The following TPP2 variants were observed in gnomAD, a reference collection of about 807,000 sequenced individuals.
TPP2 encodes tripeptidyl peptidase 2.
A neutral mutation model predicts 155.9 loss-of-function variants in TPP2; 34 were observed. That is an observed-to-expected ratio of 0.22 (90% CI 0.17 to 0.29). The LOEUF (loss-of-function observed/expected upper bound fraction) is 0.29. Ranked by LOEUF, TPP2 falls within the 10% of genes least tolerant of loss-of-function variation. The pLI is 1.00. For synonymous variants in TPP2, 510 were observed against 529.4 expected, an observed-to-expected ratio of 0.96 and a Z score of 0.50; for missense variants, 1,028 against 1,522.3, an observed-to-expected ratio of 0.68 and a Z score of 5.40.
intron 2 of TPP2, among the ~76,000 whole-genome samples, chr13:102,608,750 T>G (rs1338358917): frequency 1.3e-5 from 2 of 152,158 alleles, no homozygotes; most frequent in African/African-American, 4.8e-5. Flanking sequence ...TCTCCTATTC[T>G]GCTTCCTCCT....
intron 2 of TPP2, among the ~76,000 whole-genome samples, chr13:102,609,326 A>G (rs971686531): frequency 1.3e-5 from 2 of 151,760 alleles, no homozygotes; most frequent in African/African-American, 4.8e-5. Flanking sequence ...GGTGAAGGGG[A>G]AACAAGACAT....
rs765009298 is a variant in TPP2, at chr13:102,627,181, G to A, written c.939+15G>A. 4.5e-6 allele frequency: 7 copies of A among 1,550,762 alleles called. No individual in the cohort carries two copies. In the East Asian group the frequency reaches 9.3e-5, roughly 21 times the overall value. On this transcript the variant is annotated intron_variant, in intron 7 of 29. Coordinates refer to ENST00000376052, the MANE Select transcript of TPP2 (RefSeq NM_001330588.2). ...TCATAAGAGCTGTGAGTGTTTGTGA[G>A]TTGTTGATTCAGAAGATTAATGATT...
chr13:102,649,929 A>G (rs998157249), intron 23 of TPP2, among the ~76,000 whole-genome samples: 1 of 152,172 alleles, frequency 6.6e-6, no homozygotes, highest in African/African-American at 2.4e-5. Flanking sequence ...AAAAGTAGTC[A>G]GAACAATTAC....
At chr13:102,606,987 A>G (rs1044323515) in intron 2 of TPP2, among the ~76,000 whole-genome samples, 1 of 152,106 alleles carries the variant, frequency 6.6e-6, no homozygotes, top group Non-Finnish European at 1.5e-5. Context: ...TCCCCTCAGG[A>G]TAGGATTAGT....
At chr13:102,609,212 G>C (rs556589336) in intron 2 of TPP2, among the ~76,000 whole-genome samples, 1 of 152,034 alleles carries the variant, frequency 6.6e-6, no homozygotes, top group African/African-American at 2.4e-5. Context: ...AACTACATGA[G>C]ACTGGGGAAT....
chr13:102,657,011 TA>T lies in TPP2; in HGVS notation c.2992-41del. On this transcript the variant is annotated intron_variant, in intron 24 of 29. Transcript: ENST00000376052. ...CTGTTGAAGATGATTTTGATGTATG[TA>T]AAATTAAGCATATTAATCTAAGAAT... The T allele has an allele frequency of 3.2e-6, 5 of 1,551,194 alleles. No homozygotes were observed. The South Asian group carries it at 6.2e-5, about 19-fold the overall frequency.
chr13:102,640,538 A>G (rs1279882250), intron 16 of TPP2, among the ~76,000 whole-genome samples, 162 bp downstream of exon 16: 1 of 151,714 alleles, frequency 6.6e-6, no homozygotes, highest in Admixed American at 6.6e-5. Context: ...TTTAAGATCT[A>G]GTACAATTTT....
At chr13:102,616,641 C>A in intron 4 of TPP2, 141 bp downstream of exon 4, 1 of 621,852 alleles carries the variant, frequency 1.6e-6, no homozygotes. Context: ...ACTAATTTTT[C>A]CTTTATTATT....
At chr13:102,625,553 C>A (rs540425789) in intron 6 of TPP2, among the ~76,000 whole-genome samples, 1 of 152,162 alleles carries the variant, frequency 6.6e-6, no homozygotes, top group Non-Finnish European at 1.5e-5. Context: ...TGCTCTGTAT[C>A]CTCAGCAACA....
intron 25 of TPP2, among the ~76,000 whole-genome samples, chr13:102,658,753 C>A (rs1884014854): frequency 8.5e-6 from 1 of 117,440 alleles, no homozygotes; most frequent in African/African-American, 3.6e-5. Flanking sequence ...TCAAGAGCTC[C>A]AGCTCCTGGG....
chr13:102,676,465 A>G, intron 29 of TPP2, 50 bp downstream of exon 29: 1 of 1,591,074 alleles, frequency 6.3e-7, no homozygotes, highest in Non-Finnish European at 8.6e-7. Flanking sequence ...GATATTGCAT[A>G]GTGACAAGAT....
At chr13:102,662,058 C>G (rs1358781990) in intron 25 of TPP2, among the ~76,000 whole-genome samples, 2 of 152,142 alleles carry the variant, frequency 1.3e-5, no homozygotes, top group African/African-American at 4.8e-5. Flanking sequence ...TGTGGTGTAT[C>G]CATACAGGGG....
rs143693778 is a variant in TPP2, at chr13:102,599,029, G to C, written c.165+1826G>C. On this transcript the variant is annotated intron_variant, in intron 1 of 29. Transcript: ENST00000376052. ...GGGTATTGCCTGATGTTAAGGTTTG[G>C]GGTGTGATTGATCCTGTCACCCAGG... is the stretch of plus-strand genomic sequence containing the variant. Among the ~76,000 whole-genome samples the C allele has an allele frequency of 2.2e-3, 342 of 152,234 alleles. 12 individuals are homozygous for C. The East Asian group carries it at 0.054, about 24-fold the overall frequency.
At chr13:102,677,967 C>T (rs1885394546) in intron 29 of TPP2, among the ~76,000 whole-genome samples, 1 of 151,862 alleles carries the variant, frequency 6.6e-6, no homozygotes, top group African/African-American at 2.4e-5. Flanking sequence ...GGGAGGAACA[C>T]AGGTTAATAG....
chr13:102,619,936 G>A (rs536514945), intron 5 of TPP2, among the ~76,000 whole-genome samples: 150 of 152,148 alleles, frequency 9.9e-4, no homozygotes, highest in Non-Finnish European at 1.7e-3. Flanking sequence ...CCTTAGGTGC[G>A]TTTTAGTGTG....
At position 102,676,230 on chromosome 13, in the gene TPP2, G is replaced by A. The variant is rs1885274193; in HGVS notation, c.3580-66G>A. ...CTTCTGTTAAAGCCTTAATTTTATG[G>A]TTAAAGCTAATGCCTTAAAATGTAA... On this transcript the variant is annotated intron_variant, in intron 28 of 29. Transcript: ENST00000376052. 8.7e-6 allele frequency: 12 copies of A among 1,378,884 alleles called. No individual in the cohort carries two copies. In the South Asian group the frequency reaches 1.5e-4, roughly 17 times the overall value. 85.4% of individuals were successfully genotyped at this position (1,378,884 alleles called of 1,614,324 possible). A position where few individuals can be genotyped will look rare whatever the true frequency, so the allele number is the denominator to read the frequency against.
intron 7 of TPP2, 97 bp from the exon 8 acceptor site, chr13:102,627,751 G>A: frequency 1.2e-6 from 1 of 833,470 alleles, no homozygotes; most frequent in Non-Finnish European, 1.9e-6. Flanking sequence ...AATATGATTG[G>A]CTAAGAAACT....
chr13:102,639,581 A>T (rs1047354374), intron 15 of TPP2, among the ~76,000 whole-genome samples: 2 of 152,118 alleles, frequency 1.3e-5, no homozygotes, highest in African/African-American at 4.8e-5. Context: ...AATGTCTCTG[A>T]TGATGATTCT....
intron 5 of TPP2, among the ~76,000 whole-genome samples, 197 bp from the exon 6 acceptor site, chr13:102,622,680 A>G (rs1242287535): frequency 1.3e-5 from 2 of 152,212 alleles, no homozygotes; most frequent in African/African-American, 2.4e-5. Context: ...GCATGATTTA[A>G]GAACTGGTTG....
Sources: gnomAD v4.1 joint callset for allele counts (sites outside exome capture counted in the v4.1 genomes callset) on GRCh38, gnomAD v4.1.1 for gene constraint, MANE v1.5 for transcripts, NCBI Gene and HGNC (gene_info 2026-07-23, HGNC 2026-07-21) for gene names.